Variants in TMPRSS15 observed in about 807,000 individuals in gnomAD.
TMPRSS15 encodes transmembrane serine protease 15.
A neutral mutation model predicts 125.3 loss-of-function variants in TMPRSS15; 128 were observed. That is an observed-to-expected ratio of 1.02 (90% CI 0.89 to 1.18). The LOEUF (loss-of-function observed/expected upper bound fraction) is 1.18, where lower values mean the gene tolerates loss of function less well. Ranked by LOEUF, TMPRSS15 falls within the 50% of genes most tolerant of loss-of-function variation. The probability of loss-of-function intolerance (pLI) is 0.00; values close to 1 mark genes in which losing one functional copy is unlikely to be tolerated. For missense variants in TMPRSS15, 1,283 were observed against 1,212.7 expected (o/e 1.06, Z -0.86); for synonymous variants, 446 against 423.2 (o/e 1.05, Z -0.66).
intron 21 of TMPRSS15, among the ~76,000 whole-genome samples, chr21:18,286,368 A>G (rs1052733924): frequency 2.6e-5 from 4 of 152,182 alleles, no homozygotes; most frequent in East Asian, 1.9e-4. Flanking sequence ...TTAATTCTTG[A>G]CTTCTTCCAT....
At chr21:18,362,153 G>C (rs2075684720) in intron 7 of TMPRSS15, among the ~76,000 whole-genome samples, 1 of 152,122 alleles carries the variant, frequency 6.6e-6, no homozygotes, top group African/African-American at 2.4e-5. Context: ...AGACAGAGAA[G>C]GAAAGTAAAG....
In TMPRSS15 at chr21:18,467,054, A is replaced by G. The variant is rs1028005561; in HGVS notation, c.10+18745T>C. ...ACTGGATAAAGAAAATGTGGCACAT[A>G]TACACCATGGAATACTATGCAGCCA... On this transcript the variant is annotated intron_variant, in intron 1 of 7. Transcript: ENST00000422787. Among the ~76,000 whole-genome samples, 10 of 152,314 alleles carry G rather than the reference A, an allele frequency of 6.6e-5. No homozygotes were observed. In the East Asian group the frequency reaches 1.9e-3, roughly 29 times the overall value.
At chr21:18,457,607 T>C (rs949334820) in intron 1 of TMPRSS15, among the ~76,000 whole-genome samples, 4 of 152,122 alleles carry the variant, frequency 2.6e-5, no homozygotes, top group Admixed American at 6.6e-5. Context: ...AATAATGCAA[T>C]AGAGTTTAAA....
chr21:18,455,726 C>A, intron 1 of TMPRSS15, among the ~76,000 whole-genome samples: 1 of 152,100 alleles, frequency 6.6e-6, no homozygotes, highest in Non-Finnish European at 1.5e-5. Context: ...TTTAGGTTAG[C>A]TATCAACAGT....
chr21:18,279,072 G>C lies in TMPRSS15; in HGVS notation c.2669-13C>G, dbSNP rs778981126. On this transcript the variant is annotated splice_polypyrimidine_tract_variant and intron_variant, in intron 22 of 24. Transcript: ENST00000284885. ...GGTTGTATGTAATCTGGAAAAACAA[G>C]CAAACAGCAAAACGAACAAACGAAG... 2.2e-6 allele frequency: 3 copies of C among 1,335,316 alleles called. No individual in the cohort carries two copies. Among genetic ancestry groups the C allele is most frequent in the South Asian group, 1.2e-5 (1 of 83,796 alleles). The allele number at this position is 1,335,316 out of a possible 1,614,324, so 82.7% of individuals were successfully genotyped here. A position where few individuals can be genotyped will look rare whatever the true frequency, so the allele number is the denominator to read the frequency against.
chr21:18,348,636 A>T (rs1359666592), intron 10 of TMPRSS15, among the ~76,000 whole-genome samples: 1 of 152,178 alleles, frequency 6.6e-6, no homozygotes, highest in East Asian at 1.9e-4. Flanking sequence ...GGAAAATAAA[A>T]ATGTTACTTT....
chr21:18,401,665 C>T (rs769398825), intron 1 of TMPRSS15, among the ~76,000 whole-genome samples: 1 of 152,082 alleles, frequency 6.6e-6, no homozygotes, highest in Non-Finnish European at 1.5e-5. Context: ...ATCATTCATA[C>T]CCCAAACCTC....
chr21:18,453,985 G>C (rs1201021808), intron 1 of TMPRSS15, among the ~76,000 whole-genome samples: 1 of 152,142 alleles, frequency 6.6e-6, no homozygotes, highest in Non-Finnish European at 1.5e-5. Context: ...TTTGCCAGGG[G>C]CTAAGGGTAA....
chr21:18,294,075 T>C (rs2074870807), intron 21 of TMPRSS15, among the ~76,000 whole-genome samples, 195 bp downstream of exon 21: 1 of 152,264 alleles, frequency 6.6e-6, no homozygotes, highest in Non-Finnish European at 1.5e-5. Flanking sequence ...TCATATCTAA[T>C]GCAGGATAAT....
At chr21:18,293,017 G>A (rs1253513199) in intron 21 of TMPRSS15, among the ~76,000 whole-genome samples, 1 of 152,150 alleles carries the variant, frequency 6.6e-6, no homozygotes, top group Non-Finnish European at 1.5e-5. Flanking sequence ...GGTGCTGTCG[G>A]TAGCTCCTTT....
At chr21:18,407,452 T>TC (rs1233468753), upstream of TMPRSS15, among the ~76,000 whole-genome samples, 2 of 72,216 alleles carry the variant, frequency 2.8e-5, no homozygotes, top group Non-Finnish European at 2.9e-5. Context: ...TCTTTTCTTT[T>TC]TTTTTTTTTT....
rs374279651 is a variant in TMPRSS15 at position 18,365,097 on chromosome 21, C to T, written c.773+43G>A. ...GCAATAAGACGTTGCATCAGAAAAACGCTTTATGACTTAAGAACAGAAAAT... is the reference window on the plus strand; with the variant it reads ...GCAATAAGACGTTGCATCAGAAAAATGCTTTATGACTTAAGAACAGAAAAT... On this transcript the variant is annotated intron_variant, in intron 7 of 24. Transcript: ENST00000284885. 8.5e-6 allele frequency: 13 copies of T among 1,529,690 alleles called. No homozygotes were observed. In the East Asian group the frequency reaches 1.6e-4, roughly 19 times the overall value. 94.8% of individuals were successfully genotyped at this position (1,529,690 alleles called of 1,614,324 possible).
At chr21:18,476,342 T>G (rs142607448) in intron 1 of TMPRSS15, among the ~76,000 whole-genome samples, 153 of 152,216 alleles carry the variant, frequency 1.0e-3, no homozygotes, top group African/African-American at 3.3e-3. Flanking sequence ...ACCCTAGATT[T>G]TTTCCCTTAT....
intron 22 of TMPRSS15, among the ~76,000 whole-genome samples, chr21:18,279,421 G>C (rs1160095011): frequency 7.0e-6 from 1 of 142,920 alleles, no homozygotes. Flanking sequence ...CACCTCCCAG[G>C]TTCACGCCAT....
intron 1 of TMPRSS15, chr21:18,477,783 T>C (rs1187655737): frequency 6.6e-6 from 1 of 152,150 alleles, no homozygotes; most frequent in Non-Finnish European, 1.5e-5. Flanking sequence ...ATGTTGTTCA[T>C]AATTCCTTCC....
chr21:18,303,105 G>GT (rs562892904), intron 18 of TMPRSS15, among the ~76,000 whole-genome samples: 1 of 152,056 alleles, frequency 6.6e-6, no homozygotes, highest in Admixed American at 6.5e-5. Context: ...AAATTACATG[G>GT]TTTTTTAATG....
chr21:18,300,761 C>T (rs2074962965), intron 18 of TMPRSS15, among the ~76,000 whole-genome samples: 1 of 151,818 alleles, frequency 6.6e-6, no homozygotes, highest in South Asian at 2.1e-4. Context: ...GACACATCTA[C>T]TTCTGGCATG....
chr21:18,441,826 G>A (rs529803999), intron 1 of TMPRSS15, among the ~76,000 whole-genome samples: 1 of 151,708 alleles, frequency 6.6e-6, no homozygotes, highest in Non-Finnish European at 1.5e-5. Context: ...GAGTAGCTGG[G>A]ACTGTAGGCA....
chr21:18,392,185 A>G (rs2075996577), intron 3 of TMPRSS15, among the ~76,000 whole-genome samples: 2 of 152,182 alleles, frequency 1.3e-5, no homozygotes, highest in South Asian at 4.1e-4. Flanking sequence ...CTCATTACTT[A>G]TGCAAATTTC....
Sources: allele counts gnomAD v4.1 joint callset (sites outside exome capture counted in the v4.1 genomes callset), GRCh38; gene constraint gnomAD v4.1.1; transcripts MANE v1.5; gene names NCBI Gene and HGNC (gene_info 2026-07-23, HGNC 2026-07-21).